The following DACH2 variants were observed in gnomAD, a reference collection of about 807,000 sequenced individuals.
DACH2 encodes dachshund homolog 2.
DACH2 carries 17 observed loss-of-function variants against 35.8 expected under a neutral mutation model. The ratio of observed to expected loss-of-function variants is 0.48; its 90% CI spans 0.33 to 0.71. The LOEUF (loss-of-function observed/expected upper bound fraction) is 0.71. Ranked by LOEUF, DACH2 falls within the 30% of genes least tolerant of loss-of-function variation. DACH2 has a pLI of 0.02. For synonymous variants in DACH2, 195 were observed against 177.3 expected (o/e 1.10, Z -0.79); for missense variants, 469 against 472.7 (o/e 0.99, Z 0.07).
intron 2 of DACH2, among the ~76,000 whole-genome samples, chrX:86,399,355 T>C (rs1382585985): frequency 8.9e-6 from 1 of 111,984 alleles, no homozygotes; most frequent in Non-Finnish European, 1.9e-5. Context: ...TCTGTGTCTT[T>C]TAATTGGAGC....
chrX:86,701,951 C>T (rs2041149243), intron 5 of DACH2, among the ~76,000 whole-genome samples: 1 of 111,458 alleles, frequency 9.0e-6, no homozygotes, highest in African/African-American at 3.3e-5. Context: ...ATAGTCTATA[C>T]ACCAAACCCA....
intron 7 of DACH2, among the ~76,000 whole-genome samples, chrX:86,777,758 C>T (rs944869782): frequency 1.8e-5 from 2 of 110,741 alleles, no homozygotes; most frequent in Non-Finnish European, 3.8e-5. Flanking sequence ...ATAAATAGTT[C>T]GTCAACACCA....
intron 2 of DACH2, among the ~76,000 whole-genome samples, chrX:86,464,953 G>A (rs2037640599): frequency 8.9e-6 from 1 of 111,903 alleles, no homozygotes; most frequent in Admixed American, 9.5e-5. Context: ...AATAATGTTA[G>A]AATTTAGTTT....
chrX:86,306,684 T>G (rs760638201), intron 1 of DACH2, among the ~76,000 whole-genome samples: 2 of 112,044 alleles, frequency 1.8e-5, no homozygotes, highest in African/African-American at 6.5e-5. Flanking sequence ...CTCCAAGTTC[T>G]TCAATTTTGC....
intron 2 of DACH2, among the ~76,000 whole-genome samples, chrX:86,451,865 C>T (rs184607144): frequency 1.1e-4 from 12 of 110,958 alleles, no homozygotes; most frequent in African/African-American, 2.3e-4. Context: ...TTGATCTGTC[C>T]GGAACTTCCA....
chrX:86,626,903 T>A (rs188239578), intron 3 of DACH2, among the ~76,000 whole-genome samples: 8 of 112,701 alleles, frequency 7.1e-5, no homozygotes, highest in Admixed American at 6.5e-4. Flanking sequence ...TGGGAAGACC[T>A]CTGACATGTC....
At chrX:86,612,319 T>C (rs2039955910) in intron 3 of DACH2, among the ~76,000 whole-genome samples, 1 of 108,073 alleles carries the variant, frequency 9.3e-6, no homozygotes, top group Admixed American at 1.0e-4. Flanking sequence ...CCACCTGGTA[T>C]TGGGGAAAGG....
At chrX:86,343,516 G>T (rs982650316) in intron 1 of DACH2, among the ~76,000 whole-genome samples, 1 of 111,250 alleles carries the variant, frequency 9.0e-6, no homozygotes, top group Non-Finnish European at 1.9e-5. Context: ...TTCAATGGAA[G>T]AAATATTTAC....
intron 2 of DACH2, among the ~76,000 whole-genome samples, chrX:86,458,232 A>G (rs750922265): frequency 1.3e-4 from 14 of 111,613 alleles, no homozygotes; most frequent in Non-Finnish European, 2.4e-4. Context: ...CATATTTTTC[A>G]TGGTAAAAGT....
chrX:86,665,846 A>C (rs781177151), intron 4 of DACH2, among the ~76,000 whole-genome samples: 4 of 110,966 alleles, frequency 3.6e-5, no homozygotes, highest in Non-Finnish European at 5.7e-5. Context: ...TTTATAAAAC[A>C]TATGTTATTC....
At chrX:86,462,394 T>G (rs747202777) in intron 2 of DACH2, among the ~76,000 whole-genome samples, 1 of 111,671 alleles carries the variant, frequency 9.0e-6, no homozygotes, top group Admixed American at 9.5e-5. Flanking sequence ...AAATTAATAG[T>G]AGATAATAAA....
chrX:86,580,289 C>T (rs1285455791), intron 3 of DACH2, among the ~76,000 whole-genome samples: 2 of 111,776 alleles, frequency 1.8e-5, no homozygotes, highest in Non-Finnish European at 3.8e-5. Context: ...TGAGAGAGAA[C>T]CAGTGCAAGA....
intron 1 of DACH2, among the ~76,000 whole-genome samples, chrX:86,156,054 A>G (rs1388523146): frequency 9.0e-6 from 1 of 111,257 alleles, no homozygotes; most frequent in East Asian, 2.8e-4. Context: ...TCAACACTAA[A>G]TTTGTATGTT....
chrX:86,546,404 C>CTTCCTTCTT (rs774988785), intron 3 of DACH2, among the ~76,000 whole-genome samples: 259 of 21,628 alleles, frequency 0.012, 8 homozygotes, highest in Middle Eastern at 0.031. Context: ...TCTTCTTCTT[C>CTTCCTTCTT]CTTCTTCTTC....
At chrX:86,208,023 A>C (rs759827156) in intron 1 of DACH2, among the ~76,000 whole-genome samples, 4 of 110,905 alleles carry the variant, frequency 3.6e-5, no homozygotes, top group African/African-American at 1.3e-4. Context: ...AGAAAATAAA[A>C]GCAGAAACAC....
chrX:86,164,208 T>A (rs2030863883), intron 1 of DACH2, among the ~76,000 whole-genome samples: 1 of 112,153 alleles, frequency 8.9e-6, no homozygotes, highest in African/African-American at 3.2e-5. Context: ...TTTTTTCATA[T>A]GCTTGTTGGC....
At chrX:86,667,541 GAAAGAAGAAAGAAAGA>G (rs1307114469) in intron 4 of DACH2, among the ~76,000 whole-genome samples, 258 of 45,323 alleles carry the variant, frequency 5.7e-3, no homozygotes, top group Non-Finnish European at 7.9e-3. Context: ...AAGAAAGAAA[GAAAGAAGAAAGAAAGA>G]AAGAAAGAAA....
chrX:86,461,257 C>T (rs1382156272), intron 2 of DACH2, among the ~76,000 whole-genome samples: 1 of 111,240 alleles, frequency 9.0e-6, no homozygotes, highest in African/African-American at 3.3e-5. Flanking sequence ...TTGAGAGAAG[C>T]GCTTGTTAGC....
chrX:86,286,071 C>G lies in DACH2; in HGVS notation c.489-90753C>G, dbSNP rs182582275. Among the ~76,000 whole-genome samples the G allele has an allele frequency of 3.4e-3, 359 of 106,785 alleles. 2 individuals are homozygous for G. The highest frequency in any genetic ancestry group is 5.4e-3 in the Non-Finnish European group (282 of 51,842). The allele number at this position is 106,785 out of a possible 115,157, so 92.7% of individuals were successfully genotyped here. A position where few individuals can be genotyped will look rare whatever the true frequency, so the allele number is the denominator to read the frequency against. ...ATAGGTGAAGTGTGTTTCTTGTAGGCAACAAATCAATGGTTCTTGTTCTTC... is the reference window on the plus strand; with the variant it reads ...ATAGGTGAAGTGTGTTTCTTGTAGGGAACAAATCAATGGTTCTTGTTCTTC... On this transcript the variant is annotated intron_variant, in intron 1 of 11. Transcript: ENST00000373125.
Sources: allele counts gnomAD v4.1 joint callset (sites outside exome capture counted in the v4.1 genomes callset), GRCh38; gene constraint gnomAD v4.1.1; transcripts MANE v1.5; gene names NCBI Gene and HGNC (gene_info 2026-07-23, HGNC 2026-07-21).